Variants in CDC14B observed in about 807,000 individuals in gnomAD.
The protein encoded by CDC14B is cell division cycle 14B, also known as dual specificity protein phosphatase CDC14B.
CDC14B carries 22 observed loss-of-function variants against 64.2 expected under a neutral mutation model. The observed-to-expected ratio is 0.34, with a 90% CI of 0.24 to 0.49. The LOEUF is 0.49. Among genes scored for constraint, CDC14B ranks in the 20% least tolerant of loss-of-function variants. CDC14B has a pLI of 0.99. For missense variants in CDC14B, 498 were observed against 629.9 expected (o/e 0.79, Z 2.24); for synonymous variants, 191 against 215.8 (o/e 0.89, Z 1.01).
chr9:96,562,170 A>C lies in CDC14B; in HGVS notation c.420+523T>G, dbSNP rs139415829. On this transcript the variant is annotated intron_variant, in intron 4 of 13. Transcript: ENST00000375241. Reference sequence around the variant, plus strand: ...CGTGTGGTATGTAACCCATCTTCTGACAACACTGACATCCCGTGGCCTCCT... The same window carrying C: ...CGTGTGGTATGTAACCCATCTTCTGCCAACACTGACATCCCGTGGCCTCCT... Among the ~76,000 whole-genome samples, 352 of 152,332 alleles carry C rather than the reference A, an allele frequency of 2.3e-3. 4 individuals are homozygous for C. The highest frequency in any genetic ancestry group is 8.0e-3 in the African/African-American group (332 of 41,570).
chr9:96,594,837 G>A (rs73542942), intron 1 of CDC14B, among the ~76,000 whole-genome samples: 6,929 of 151,836 alleles, frequency 0.046, 492 homozygotes, highest in African/African-American at 0.16. Context: ...GGCACTGAAC[G>A]GAGTACTCGG....
At chr9:96,545,329 CT>C (rs59040963) in intron 5 of CDC14B, among the ~76,000 whole-genome samples, 4,781 of 132,954 alleles carry the variant, frequency 0.036, 186 homozygotes, top group African/African-American at 0.12. Flanking sequence ...TGATTATTTT[CT>C]TTTTTTTTTT....
chr9:96,496,756 C>T (rs995867524), downstream of CDC14B, among the ~76,000 whole-genome samples: 1 of 152,254 alleles, frequency 6.6e-6, no homozygotes. Context: ...GCCCGTCCCG[C>T]GCCCTCCCTC....
intron 5 of CDC14B, among the ~76,000 whole-genome samples, chr9:96,549,336 T>C (rs1331094804): frequency 6.6e-6 from 1 of 152,208 alleles, no homozygotes. Context: ...TATTCTCAAC[T>C]TCTGTATTTA....
chr9:96,602,661 C>T (rs1011776124), intron 1 of CDC14B, among the ~76,000 whole-genome samples: 20 of 152,156 alleles, frequency 1.3e-4, no homozygotes, highest in African/African-American at 4.3e-4. Flanking sequence ...TCAATTACCT[C>T]TCACCAGCGT....
At chr9:96,592,400 A>G (rs111562524) in intron 1 of CDC14B, among the ~76,000 whole-genome samples, 3,067 of 152,350 alleles carry the variant, frequency 0.02, 44 homozygotes, top group Middle Eastern at 0.051. Context: ...TTGCTTCTCA[A>G]GCAAATTCCT....
At chr9:96,529,386 A>C (rs1406575825) in intron 9 of CDC14B, among the ~76,000 whole-genome samples, 3 of 151,894 alleles carry the variant, frequency 2.0e-5, no homozygotes, top group Non-Finnish European at 4.4e-5. Context: ...ATTTGACCAT[A>C]TACACAAGGA....
intron 1 of CDC14B, among the ~76,000 whole-genome samples, chr9:96,614,686 T>G (rs1847518139): frequency 2.0e-5 from 3 of 152,176 alleles, no homozygotes; most frequent in African/African-American, 7.2e-5. Flanking sequence ...GATTCAGACC[T>G]CTGACATTAA....
At chr9:96,607,137 G>A (rs1199164614) in intron 1 of CDC14B, among the ~76,000 whole-genome samples, 2 of 151,356 alleles carry the variant, frequency 1.3e-5, no homozygotes, top group Admixed American at 6.6e-5. Context: ...TTAGCTTTCA[G>A]AATATCCCAC....
At chr9:96,516,030 C>A (rs1238767451) in intron 12 of CDC14B, among the ~76,000 whole-genome samples, 1 of 152,152 alleles carries the variant, frequency 6.6e-6, no homozygotes, top group African/African-American at 2.4e-5. Context: ...AGTGAGATAA[C>A]TACCCCATGT....
chr9:96,524,861 A>T (rs1837322577), intron 9 of CDC14B, among the ~76,000 whole-genome samples: 1 of 152,212 alleles, frequency 6.6e-6, no homozygotes, highest in Non-Finnish European at 1.5e-5. Context: ...TATAAAAAAA[A>T]TCCTACTGCT....
chr9:96,545,474 C>T (rs537362396), intron 5 of CDC14B, among the ~76,000 whole-genome samples: 16 of 152,104 alleles, frequency 1.1e-4, no homozygotes, highest in Admixed American at 2.0e-4. Context: ...CCTGCCACCA[C>T]GCCCAGCTAA....
intron 13 of CDC14B, among the ~76,000 whole-genome samples, chr9:96,508,695 A>G (rs1834511656): frequency 6.6e-6 from 1 of 152,176 alleles, no homozygotes. Flanking sequence ...TGTAGAGGAG[A>G]CATGGCAGAG....
chr9:96,546,713 GT>G (rs1196372324), intron 5 of CDC14B, among the ~76,000 whole-genome samples: 1 of 151,946 alleles, frequency 6.6e-6, no homozygotes, highest in East Asian at 2.0e-4. Context: ...GCCTCCCAAA[GT>G]GGCAGGATTA....
chr9:96,535,911 A>C (rs1473449409), intron 7 of CDC14B, among the ~76,000 whole-genome samples: 1 of 152,208 alleles, frequency 6.6e-6, no homozygotes, highest in Non-Finnish European at 1.5e-5. Flanking sequence ...CTCTCTCTTT[A>C]AATAAAAAGA....
downstream of CDC14B, among the ~76,000 whole-genome samples, chr9:96,495,866 C>T (rs1047582218): frequency 5.9e-5 from 9 of 152,142 alleles, no homozygotes; most frequent in Non-Finnish European, 1.2e-4. Flanking sequence ...TGCATATCTC[C>T]GGGGGTGCCT....
intron 5 of CDC14B, among the ~76,000 whole-genome samples, chr9:96,550,239 G>A (rs2132031140): frequency 6.6e-6 from 1 of 152,268 alleles, no homozygotes; most frequent in Admixed American, 6.5e-5. Context: ...TCAAATAAAA[G>A]AATACTTAAG....
At chr9:96,546,222 A>G (rs1488385293) in intron 5 of CDC14B, among the ~76,000 whole-genome samples, 1 of 152,208 alleles carries the variant, frequency 6.6e-6, no homozygotes, top group Non-Finnish European at 1.5e-5. Context: ...TACAAAAGGA[A>G]TAAAAAAGGA....
At chr9:96,564,743 AATG>A (rs1843680824) in intron 3 of CDC14B, 31 bp downstream of exon 3, 23 of 1,327,050 alleles carry the variant, frequency 1.7e-5, no homozygotes, top group Non-Finnish European at 2.4e-5. Flanking sequence ...TCAAGCTAAC[AATG>A]ATTACTTAAG....
Sources: allele counts gnomAD v4.1 joint callset (sites outside exome capture counted in the v4.1 genomes callset), GRCh38; gene constraint gnomAD v4.1.1; transcripts MANE v1.5; gene names NCBI Gene and HGNC (gene_info 2026-07-23, HGNC 2026-07-21).